PDGFC: variants seen among roughly 807,000 people sequenced by gnomAD.
PDGFC encodes platelet derived growth factor C.
PDGFC carries 12 observed loss-of-function variants against 35.5 expected under a neutral mutation model. The ratio of observed to expected loss-of-function variants is 0.34; its 90% CI spans 0.22 to 0.55. The LOEUF is 0.55. Among genes scored for constraint, PDGFC ranks in the 20% least tolerant of loss-of-function variants. PDGFC has a pLI of 0.91. For missense variants in PDGFC, 322 were observed against 412.4 expected, an observed-to-expected ratio of 0.78 and a Z score of 1.90; for synonymous variants, 159 against 148.8, an observed-to-expected ratio of 1.07 and a Z score of -0.50.
intron 2 of PDGFC, among the ~76,000 whole-genome samples, chr4:156,829,098 A>T (rs1728864139): frequency 6.6e-6 from 1 of 152,198 alleles, no homozygotes; most frequent in Non-Finnish European, 1.5e-5. Flanking sequence ...AGAAATTAGA[A>T]ATAGAAGTAA....
In PDGFC at chr4:156,793,842, C is replaced by T. The variant is rs184988975; in HGVS notation, c.495+16995G>A. On this transcript the variant is annotated intron_variant, in intron 3 of 5. Coordinates refer to ENST00000502773, the MANE Select transcript of PDGFC (RefSeq NM_016205.3). The stretch of plus-strand genomic sequence containing the variant: ...ATTTTTGGATTAAAAAAAAAAACTG[C>T]CCAGGTTTATATAGGTAGATTCATG... Among the ~76,000 whole-genome samples, 254 of 150,004 alleles carry T rather than the reference C, an allele frequency of 1.7e-3. 1 individual carries two copies. Among genetic ancestry groups the T allele is most frequent in the African/African-American group, 5.6e-3 (229 of 40,740 alleles).
intron 1 of PDGFC, among the ~76,000 whole-genome samples, chr4:156,874,295 C>G (rs754160793): frequency 2.6e-5 from 4 of 152,000 alleles, no homozygotes; most frequent in Non-Finnish European, 5.9e-5. Flanking sequence ...ATAAAATTAC[C>G]TTTTTCATAG....
chr4:156,775,637 T>C (rs546610757), intron 3 of PDGFC, among the ~76,000 whole-genome samples: 1 of 152,174 alleles, frequency 6.6e-6, no homozygotes, highest in South Asian at 2.1e-4. Flanking sequence ...TCCAAAATAT[T>C]AACACAAAAG....
chr4:156,826,174 ATTTTTTTTTTTTTTTTTTTTTTT>A (rs59421806), intron 2 of PDGFC, among the ~76,000 whole-genome samples: 1 of 43,790 alleles, frequency 2.3e-5, no homozygotes, highest in East Asian at 6.1e-4. Context: ...TTTGAGTTGG[ATTTTTTTTTTTTTTTTTTTTTTT>A]TTTTTTTTTT....
chr4:156,883,063 G>A (rs775458157), intron 1 of PDGFC, among the ~76,000 whole-genome samples: 10 of 147,294 alleles, frequency 6.8e-5, no homozygotes, highest in Non-Finnish European at 1.5e-4. Context: ...CAGCCTGAGC[G>A]ACAGAGCAAG....
At chr4:156,956,148 G>A (rs2110955957) in intron 1 of PDGFC, among the ~76,000 whole-genome samples, 1 of 152,122 alleles carries the variant, frequency 6.6e-6, no homozygotes, top group Non-Finnish European at 1.5e-5. Flanking sequence ...TTGTGTATTG[G>A]ATTAAATTAA....
intron 5 of PDGFC, among the ~76,000 whole-genome samples, chr4:156,765,190 T>G (rs1453474173): frequency 6.6e-6 from 1 of 152,166 alleles, no homozygotes; most frequent in Non-Finnish European, 1.5e-5. Context: ...TGTTCTTGTT[T>G]TTAATTCATT....
rs541005172 is a variant in PDGFC, at chr4:156,928,033, A to G, written c.118+42753T>C. Among the ~76,000 whole-genome samples the G allele has an allele frequency of 3.3e-5, 5 of 152,284 alleles. No individual in the cohort carries two copies. In the East Asian group the frequency reaches 9.7e-4, roughly 29 times the overall value. On this transcript the variant is annotated intron_variant, in intron 1 of 5. Transcript: ENST00000502773. ...TGGTGGCAAGAGAAAAATTAGGAAG[A>G]TACAAAAGCGGAAACCCCGATAAAA...
intron 2 of PDGFC, among the ~76,000 whole-genome samples, chr4:156,821,502 A>T (rs1245262507): frequency 6.6e-6 from 1 of 151,954 alleles, no homozygotes; most frequent in Non-Finnish European, 1.5e-5. Context: ...CGGCCGCCCA[A>T]CATGCTGGGG....
intron 1 of PDGFC, among the ~76,000 whole-genome samples, chr4:156,859,149 A>C (rs1729650593): frequency 6.6e-6 from 1 of 152,088 alleles, no homozygotes; most frequent in Non-Finnish European, 1.5e-5. Context: ...TTAAGCTCTG[A>C]ATTGAGCAAA....
chr4:156,939,616 T>A (rs1436991184), intron 1 of PDGFC, among the ~76,000 whole-genome samples: 1 of 152,132 alleles, frequency 6.6e-6, no homozygotes, highest in Non-Finnish European at 1.5e-5. Flanking sequence ...CAAAATGTTT[T>A]ATCGTTTTAT....
rs550282548 is a variant in PDGFC, at chr4:156,879,905, C to T, written c.119-29489G>A. The stretch of plus-strand genomic sequence containing the variant: ...GAACAGAAAATCAGACCAACCACAA[C>T]ATTCTCTTAAGCCAAAATCTAATCC... On this transcript the variant is annotated intron_variant, in intron 1 of 5. Transcript: ENST00000502773. Among the ~76,000 whole-genome samples the T allele has an allele frequency of 1.9e-4, 29 of 152,284 alleles. 1 individual carries two copies. The South Asian group carries it at 5.8e-3, about 30-fold the overall frequency.
At chr4:156,868,345 CT>C (rs1729895792) in intron 1 of PDGFC, among the ~76,000 whole-genome samples, 1 of 152,264 alleles carries the variant, frequency 6.6e-6, no homozygotes, top group African/African-American at 2.4e-5. Context: ...TCACAGGTCA[CT>C]TTAAAGTCAA....
chr4:156,874,022 G>C (rs531209559), intron 1 of PDGFC: 5 of 152,120 alleles, frequency 3.3e-5, no homozygotes, highest in African/African-American at 4.8e-5. Context: ...CTATGATCTG[G>C]TGTTTATTGT....
chr4:156,841,881 T>C (rs1383858714), intron 2 of PDGFC: 1 of 152,066 alleles, frequency 6.6e-6, no homozygotes, highest in Non-Finnish European at 1.5e-5. Flanking sequence ...GATAAAAGAG[T>C]CTTAAATTAA....
Position 156,848,223 on chromosome 4 carries a change from C to T in PDGFC, c.314+1998G>A, listed in dbSNP as rs115640794. 9.2e-3 allele frequency among the ~76,000 whole-genome samples: 1,402 copies of T among 151,858 alleles called. 28 individuals carry two copies. Among genetic ancestry groups the T allele is most frequent in the African/African-American group, 0.031 (1,282 of 41,486 alleles). ...ACAAAATAAAACCAATGATAAGGTA[C>T]AATTTCACACTTACCCATATTACAA... On this transcript the variant is annotated intron_variant, in intron 2 of 5. Coordinates refer to ENST00000502773, the MANE Select transcript of PDGFC (RefSeq NM_016205.3).
At chr4:156,865,703 G>C (rs912413534) in intron 1 of PDGFC, among the ~76,000 whole-genome samples, 18 of 152,170 alleles carry the variant, frequency 1.2e-4, no homozygotes, top group African/African-American at 4.3e-4. Context: ...AACCCCACCA[G>C]GGAGGAAGGT....
At chr4:156,827,058 A>G (rs1419207140) in intron 2 of PDGFC, among the ~76,000 whole-genome samples, 1 of 152,168 alleles carries the variant, frequency 6.6e-6, no homozygotes. Flanking sequence ...CTGGAAAAAT[A>G]CTCTCTGAAG....
At chr4:156,884,708 A>G (rs1347765732) in intron 1 of PDGFC, among the ~76,000 whole-genome samples, 1 of 152,250 alleles carries the variant, frequency 6.6e-6, no homozygotes, top group Non-Finnish European at 1.5e-5. Context: ...AGTAAAAAGA[A>G]GAATTTAAAT....
Sources: allele counts gnomAD v4.1 joint callset (sites outside exome capture counted in the v4.1 genomes callset), GRCh38; gene constraint gnomAD v4.1.1; transcripts MANE v1.5; gene names NCBI Gene and HGNC (gene_info 2026-07-23, HGNC 2026-07-21).